Variants in HELLS observed in about 807,000 individuals in gnomAD.
The protein encoded by HELLS is helicase, lymphoid specific, also known as lymphoid-specific helicase.
HELLS carries 32 observed loss-of-function variants against 120.0 expected under a neutral mutation model. The ratio of observed to expected loss-of-function variants is 0.27; its 90% CI spans 0.20 to 0.36. HELLS has a LOEUF of 0.36. HELLS is among the 10% of genes least tolerant of loss of function. The pLI is 1.00. For synonymous variants in HELLS, 341 were observed against 323.4 expected (o/e 1.05, Z -0.58); for missense variants, 650 against 993.4 (o/e 0.65, Z 4.65).
At chr10:94,610,945 G>A (rs1389242333) in exon 10 of HELLS, 3 of 152,130 alleles carry the variant, frequency 2.0e-5, no homozygotes, top group African/African-American at 4.8e-5. Flanking sequence ...TGTGTCGAAG[G>A]AAGAAAATTA....
chr10:94,602,353 T>C (rs1846069624), downstream of HELLS, among the ~76,000 whole-genome samples: 2 of 152,176 alleles, frequency 1.3e-5, no homozygotes. Flanking sequence ...TGAAAATTTA[T>C]AGTAGTGGGT....
intron 11 of HELLS, among the ~76,000 whole-genome samples, chr10:94,582,108 G>A (rs1160035315): frequency 1.3e-5 from 2 of 152,170 alleles, no homozygotes; most frequent in African/African-American, 4.8e-5. Context: ...TGATTACAAC[G>A]GAAATATAAC....
chr10:94,609,824 C>T (rs1024778216), intron 9 of HELLS: 4 of 152,198 alleles, frequency 2.6e-5, no homozygotes, highest in African/African-American at 9.6e-5. Context: ...CTTGTTTCTA[C>T]ATTTTTCATT....
intron 2 of HELLS, among the ~76,000 whole-genome samples, chr10:94,552,330 A>G (rs1269783328): frequency 1.3e-5 from 2 of 152,206 alleles, no homozygotes; most frequent in Non-Finnish European, 2.9e-5. Flanking sequence ...TGTGATTTTT[A>G]GTGCTGTTGC....
At chr10:94,566,563 T>G (rs534396725) in intron 6 of HELLS, among the ~76,000 whole-genome samples, 24 of 152,270 alleles carry the variant, frequency 1.6e-4, no homozygotes, top group African/African-American at 5.5e-4. Flanking sequence ...TATTGAAAGA[T>G]TTTAAGCAAA....
chr10:94,576,835 A>G (rs1844514379), intron 10 of HELLS, 30 bp downstream of exon 10: 1 of 1,550,762 alleles, frequency 6.4e-7, no homozygotes, highest in Non-Finnish European at 8.7e-7. Context: ...GTTTCTTTGT[A>G]ATACATAAAA....
intron 15 of HELLS, among the ~76,000 whole-genome samples, chr10:94,591,719 A>G (rs1845499515): frequency 6.6e-6 from 1 of 152,202 alleles, no homozygotes; most frequent in African/African-American, 2.4e-5. Flanking sequence ...TTACATCTTT[A>G]TTAGAGTAAG....
intron 2 of HELLS, 110 bp downstream of exon 2, chr10:94,546,608 C>A: frequency 1.6e-6 from 2 of 1,217,424 alleles, no homozygotes; most frequent in South Asian, 1.3e-5. Context: ...TTTTTAATAA[C>A]TGAAAGAAAA....
intron 6 of HELLS, chr10:94,569,727 G>T (rs1043567376): frequency 6.6e-6 from 1 of 152,042 alleles, no homozygotes; most frequent in African/African-American, 2.4e-5. Context: ...GGGACTATAG[G>T]CACTTACCGC....
In HELLS at chr10:94,567,905, G is replaced by GTTTT. The variant is rs34881072; in HGVS notation, c.436-3464_436-3461dup. On this transcript the variant is annotated intron_variant, in intron 6 of 21. Coordinates refer to ENST00000348459, the MANE Select transcript of HELLS (RefSeq NM_018063.5). Reference sequence around the variant, plus strand: ...GCATGGGCAAGAGAATGAAACCCTGGTTTTTTTTTTTTTTTTTTTTTTGGA... The same window carrying GTTTT: ...GCATGGGCAAGAGAATGAAACCCTGGTTTTTTTTTTTTTTTTTTTTTTTTTTGGA... Among the ~76,000 whole-genome samples, 375 of 130,572 alleles carry GTTTT rather than the reference G, an allele frequency of 2.9e-3. 5 individuals are homozygous for GTTTT. The highest frequency in any genetic ancestry group is 0.011 in the African/African-American group (349 of 32,944). The allele number at this position is 130,572 out of a possible 152,430, so 85.7% of individuals were successfully genotyped here.
chr10:94,576,523 G>A, intron 9 of HELLS, 139 bp from the exon 10 acceptor site: 1 of 462,432 alleles, frequency 2.2e-6, no homozygotes, highest in Non-Finnish European at 3.8e-6. Context: ...AGAATTGCTT[G>A]GCTTATTTTG....
chr10:94,598,758 C>T (rs1351457410), intron 21 of HELLS, among the ~76,000 whole-genome samples: 1 of 151,922 alleles, frequency 6.6e-6, no homozygotes, highest in African/African-American at 2.4e-5. Context: ...TCTGTTCACT[C>T]ATGATTTTTA....
At chr10:94,580,373 G>T in intron 10 of HELLS, among the ~76,000 whole-genome samples, 1 of 151,192 alleles carries the variant, frequency 6.6e-6, no homozygotes, top group Non-Finnish European at 1.5e-5. Context: ...GTAGAGACGG[G>T]GTTTCACCAA....
intron 12 of HELLS, chr10:94,584,007 A>G (rs755639080): frequency 5.8e-6 from 4 of 693,098 alleles, no homozygotes; most frequent in South Asian, 1.8e-5. Context: ...CCTAGAATGT[A>G]TGTGTCAGAG....
intron 7 of HELLS, among the ~76,000 whole-genome samples, chr10:94,572,809 G>C (rs913772274): frequency 1.3e-5 from 2 of 152,128 alleles, no homozygotes; most frequent in African/African-American, 4.8e-5. Flanking sequence ...GAAAACTCCA[G>C]CTTACATTAT....
chr10:94,606,060 C>CTTT (rs1166949716), downstream of HELLS, among the ~76,000 whole-genome samples: 56 of 131,332 alleles, frequency 4.3e-4, no homozygotes, highest in African/African-American at 1.6e-3. Flanking sequence ...TGGTATGGGT[C>CTTT]TTTTTTTTTT....
At chr10:94,584,351 T>C (rs2134087369) in intron 12 of HELLS, among the ~76,000 whole-genome samples, 1 of 152,246 alleles carries the variant, frequency 6.6e-6, no homozygotes, top group East Asian at 1.9e-4. Flanking sequence ...TCTTTGTGTG[T>C]GTTCATGTGC....
At chr10:94,571,255 A>T (rs1428049061) in intron 6 of HELLS, 133 bp from the exon 7 acceptor site, 1 of 678,734 alleles carries the variant, frequency 1.5e-6, no homozygotes, top group African/African-American at 1.8e-5. Flanking sequence ...TTCTGCCTGA[A>T]GGCTACTAGT....
chr10:94,590,403 TC>T lies in HELLS; in HGVS notation c.1489-7del. The T allele has an allele frequency of 1.3e-5, 20 of 1,589,768 alleles. No homozygotes were observed. Among genetic ancestry groups the T allele is most frequent in the Non-Finnish European group, 1.7e-5 (20 of 1,173,858 alleles). ...ATAAACTGAATTTCTTTTAATTCGT[TC>T]CCTTTTAGAAAGAAACAATTGAGTT... is the stretch of plus-strand genomic sequence containing the variant. On this transcript the variant is annotated splice_polypyrimidine_tract_variant and intron_variant, in intron 13 of 21. Coordinates refer to ENST00000348459, the MANE Select transcript of HELLS (RefSeq NM_018063.5).
Sources: gnomAD v4.1 joint callset for allele counts (sites outside exome capture counted in the v4.1 genomes callset) on GRCh38, gnomAD v4.1.1 for gene constraint, MANE v1.5 for transcripts, NCBI Gene and HGNC (gene_info 2026-07-23, HGNC 2026-07-21) for gene names.